Variants in TACC2 observed in about 807,000 individuals in gnomAD.
The protein encoded by TACC2 is transforming acidic coiled-coil containing protein 2.
TACC2 carries 137 observed loss-of-function variants against 227.3 expected under a neutral mutation model. That is an observed-to-expected ratio of 0.60 (90% confidence interval 0.52 to 0.69). The LOEUF is 0.69. Among genes scored for constraint, TACC2 ranks in the 30% least tolerant of loss-of-function variants. The pLI, the probability that TACC2 is intolerant of heterozygous loss-of-function variation, is 0.00. For synonymous variants in TACC2, 1,523 were observed against 1,487.5 expected, an observed-to-expected ratio of 1.02 and a Z score of -0.55; for missense variants, 3,470 against 3,694.4, an observed-to-expected ratio of 0.94 and a Z score of 1.57.
intron 7 of TACC2, among the ~76,000 whole-genome samples, chr10:122,153,578 C>T (rs2092261085): frequency 6.6e-6 from 1 of 152,220 alleles, no homozygotes; most frequent in Non-Finnish European, 1.5e-5. Context: ...GACACCAAGT[C>T]CTCCTCAGGC....
chr10:122,036,453 A>G (rs1960401706), intron 2 of TACC2, among the ~76,000 whole-genome samples: 2 of 150,752 alleles, frequency 1.3e-5, no homozygotes. Context: ...TTGGCCTCGC[A>G]AAGTGCTGGG....
At chr10:122,027,967 T>A (rs1332736102) in intron 2 of TACC2, among the ~76,000 whole-genome samples, 1 of 151,922 alleles carries the variant, frequency 6.6e-6, no homozygotes, top group Non-Finnish European at 1.5e-5. Context: ...TTGGTCTCGA[T>A]CTCCTGACCT....
rs771621338 is a variant in TACC2 at position 122,087,813 on chromosome 10, G to A, written c.5313G>A (p.Arg1771=). ...CCCTTCATGGGGACAGCCCAGCCAG[G>A]CCCCAGCAGGCTAAGGAGCAGCCAG... is the stretch of plus-strand genomic sequence containing the variant. The part of the protein sequence containing the change: ...TAALHGDSPA[R]PQQAKEQPGP... The change falls in exon 4 of 23, where the codon AGG becomes AGA. Residue 1771 remains arginine, a synonymous_variant. Transcript: ENST00000369005. 27 of 1,572,802 alleles carry A rather than the reference G, an allele frequency of 1.7e-5. No individual in the cohort carries two copies. The highest frequency in any genetic ancestry group is 2.3e-5 in the Non-Finnish European group (27 of 1,158,068).
intron 8 of TACC2, among the ~76,000 whole-genome samples, chr10:122,204,426 T>A (rs963264015): frequency 6.6e-6 from 1 of 152,100 alleles, no homozygotes; most frequent in Non-Finnish European, 1.5e-5. Context: ...TGTGGCCCCT[T>A]GGTCGGCAGC....
chr10:122,054,978 G>A (rs956672396), intron 3 of TACC2, among the ~76,000 whole-genome samples: 7 of 152,152 alleles, frequency 4.6e-5, no homozygotes, highest in African/African-American at 1.4e-4. Context: ...CCAGCACTGT[G>A]GGAGGCCGAT....
intron 7 of TACC2, chr10:122,192,535 C>T (rs185270033): frequency 3.4e-5 from 13 of 379,340 alleles, no homozygotes; most frequent in Admixed American, 5.8e-5. Flanking sequence ...TCGGGGCCTC[C>T]GGACGCTGGA....
intron 5 of TACC2, among the ~76,000 whole-genome samples, chr10:122,097,139 A>C (rs60365144): frequency 0.088 from 13,359 of 151,842 alleles, 1,010 homozygotes; most frequent in African/African-American, 0.2. Flanking sequence ...CAGCTTGGGC[A>C]ACATAGTGAG....
intron 1 of TACC2, among the ~76,000 whole-genome samples, chr10:122,003,069 G>T (rs1240599117): frequency 1.3e-5 from 2 of 152,062 alleles, no homozygotes; most frequent in East Asian, 3.9e-4. Flanking sequence ...CAGACATAGT[G>T]GTGGGCACCT....
chr10:122,022,945 A>G (rs1392286498), intron 2 of TACC2: 1 of 152,218 alleles, frequency 6.6e-6, no homozygotes, highest in East Asian at 1.9e-4. Context: ...ATCTCACACA[A>G]ACTGGAAAAT....
intron 2 of TACC2, among the ~76,000 whole-genome samples, chr10:122,034,341 C>G (rs1959509233): frequency 6.6e-6 from 1 of 152,104 alleles, no homozygotes; most frequent in Admixed American, 6.6e-5. Flanking sequence ...CTTCATTATT[C>G]CATGAGCTGG....
chr10:122,127,418 A>C (rs1052522559), intron 5 of TACC2, among the ~76,000 whole-genome samples: 1 of 152,304 alleles, frequency 6.6e-6, no homozygotes, highest in African/African-American at 2.4e-5. Flanking sequence ...TTTTGGACAG[A>C]GTCCATTCCA....
At chr10:121,993,243 ACAACT>A (rs1225704022) in intron 1 of TACC2, among the ~76,000 whole-genome samples, 1 of 152,246 alleles carries the variant, frequency 6.6e-6, no homozygotes, top group Non-Finnish European at 1.5e-5. Flanking sequence ...CTTAAGGAAG[ACAACT>A]CAACTAACTT....
intron 18 of TACC2, among the ~76,000 whole-genome samples, chr10:122,239,958 A>G (rs1310787107): frequency 6.6e-6 from 1 of 152,258 alleles, no homozygotes. Context: ...TCAACAGAGT[A>G]GAGCAGAAGG....
At chr10:122,199,039 A>G (rs551357787) in intron 8 of TACC2, among the ~76,000 whole-genome samples, 1 of 152,364 alleles carries the variant, frequency 6.6e-6, no homozygotes, top group African/African-American at 2.4e-5. Context: ...GCATTGGGGA[A>G]TGCAGCTTCT....
At chr10:122,176,540 G>T (rs150109038) in intron 7 of TACC2, among the ~76,000 whole-genome samples, 80 of 152,238 alleles carry the variant, frequency 5.3e-4, no homozygotes, top group African/African-American at 1.6e-3. Flanking sequence ...AAGAGTCGTA[G>T]CATTTTACTT....
chr10:122,064,378 C>A (rs1399727419), intron 3 of TACC2, among the ~76,000 whole-genome samples: 1 of 152,106 alleles, frequency 6.6e-6, no homozygotes, highest in Non-Finnish European at 1.5e-5. Flanking sequence ...AACTAATGGG[C>A]CAATATTGAT....
chr10:122,212,649 C>T (rs952413267), intron 9 of TACC2, among the ~76,000 whole-genome samples: 26 of 152,294 alleles, frequency 1.7e-4, no homozygotes, highest in Middle Eastern at 3.4e-3. Context: ...CTGCCTGGCA[C>T]GAAAGAGACA....
intron 1 of TACC2, among the ~76,000 whole-genome samples, chr10:121,998,845 TC>T (rs1953907023): frequency 6.6e-6 from 1 of 152,116 alleles, no homozygotes; most frequent in African/African-American, 2.4e-5. Context: ...CAAAGAAATA[TC>T]CAATCCCTAC....
intron 2 of TACC2, among the ~76,000 whole-genome samples, chr10:122,024,172 A>G (rs1440046779): frequency 6.6e-6 from 1 of 152,112 alleles, no homozygotes; most frequent in Non-Finnish European, 1.5e-5. Flanking sequence ...GTTGAAGATT[A>G]GTCTGGGCAA....
Sources: allele counts gnomAD v4.1 joint callset (sites outside exome capture counted in the v4.1 genomes callset), GRCh38; gene constraint gnomAD v4.1.1; transcripts MANE v1.5; gene names NCBI Gene and HGNC (gene_info 2026-07-23, HGNC 2026-07-21).